KRT10: variants seen among roughly 807,000 people sequenced by gnomAD.
KRT10 encodes the protein keratin 10.
Under a neutral mutation model 59.2 loss-of-function variants are expected in KRT10, and 40 were observed. That is an observed-to-expected ratio of 0.68 (90% CI 0.52 to 0.88). The LOEUF is 0.88. Ranked by LOEUF, KRT10 falls within the 40% of genes least tolerant of loss-of-function variation. The pLI is 0.00. For missense variants in KRT10, 719 were observed against 749.1 expected (o/e 0.96, Z 0.47); for synonymous variants, 336 against 310.7 (o/e 1.08, Z -0.86).
rs570343417 is a variant in KRT10 at position 40,818,878 on chromosome 17, A to AGCT, written c.1654_1656dup (p.Ser553dup). ...CTGCCGCCGCCGTATCCGCCGCCGG[A>AGCT]GCTGCTGCCGCCGCCGGAGCTGCCG... On this transcript the variant is annotated inframe_insertion, in exon 7 of 8. Transcript: ENST00000269576. 5.0e-4 allele frequency: 772 copies of AGCT among 1,530,434 alleles called. 3 individuals are homozygous for AGCT. In the African/African-American group the frequency reaches 9.7e-3, roughly 19 times the overall value. 94.8% of individuals were successfully genotyped at this position (1,530,434 alleles called of 1,614,324 possible).
intron 6 of KRT10, 89 bp downstream of exon 6, chr17:40,819,428 C>T: frequency 8.1e-6 from 11 of 1,362,360 alleles, no homozygotes; most frequent in Non-Finnish European, 1.2e-5. Flanking sequence ...TCCTCTCATT[C>T]TCTGGCATCT....
Position 40,819,592 on chromosome 17 carries a change from T to C in KRT10, c.1298A>G (p.Gln433Arg), listed in dbSNP as rs770992466. ...TCGGATCTTAATATCCAGGAGTTGT[T>C]GGTATTCAGTATTCTGGCACTCGGT... Reference protein sequence around the residue: ...AETECQNTEYQQLLDIKIRLE... With the variant: ...AETECQNTEYRQLLDIKIRLE... Residue 433 changes from glutamine (Q) to arginine (R), a missense_variant, in exon 6 of 8, where the codon CAA (glutamine) becomes CGA (arginine). Gln to Arg is a conservative substitution (Grantham distance 43). Transcript: ENST00000269576. The C allele has an allele frequency of 2.5e-6, 4 of 1,614,236 alleles. No individual in the cohort carries two copies. In the South Asian group the frequency reaches 4.4e-5, roughly 18 times the overall value.
Position 40,818,394 on chromosome 17 carries a change from G to A in KRT10, c.*82C>T. On this transcript the variant is annotated 3_prime_UTR_variant, in exon 8 of 8. Coordinates refer to ENST00000269576, the MANE Select transcript of KRT10 (RefSeq NM_000421.5). ...ATGCAGTTTAATAGTAGTGTTTCTT[G>A]GTTTCTGATTCAACCATAGATGAAA... The A allele has an allele frequency of 6.3e-7, 1 of 1,598,318 alleles. No homozygotes were observed. The highest frequency in any genetic ancestry group is 8.6e-7 in the Non-Finnish European group (1 of 1,167,280).
At position 40,818,899 on chromosome 17, in the gene KRT10, T is replaced by TGCTGCCGCCGCCGTATCC. The variant is rs1905183354; in HGVS notation, c.1635_1636insGGATACGGCGGCGGCAGC (p.Gly545_Ser546insGlyTyrGlyGlyGlySer). The TGCTGCCGCCGCCGTATCC allele has an allele frequency of 2.0e-5, 25 of 1,266,980 alleles. No homozygotes were observed. In the African/African-American group the frequency reaches 3.5e-4, roughly 18 times the overall value. 78.5% of individuals were successfully genotyped at this position (1,266,980 alleles called of 1,614,324 possible). ...CCGGAGCTGCTGCCGCCGCCGGAGC[T>TGCTGCCGCCGCCGTATCC]GCCGCCCCCGTAGCCGCCGCCGCCG... On this transcript the variant is annotated inframe_insertion, in exon 7 of 8. Transcript: ENST00000269576.
rs1905229106 is a variant in KRT10, at chr17:40,819,175, G to A, written c.1374-14C>T. ...CCGCCTCCGGAACTAAACGGGGTGA[G>A]GTCACATTCGGTTATCTCTAACGTT... On this transcript the variant is annotated splice_polypyrimidine_tract_variant and intron_variant, in intron 6 of 7. Coordinates refer to ENST00000269576, the MANE Select transcript of KRT10 (RefSeq NM_000421.5). 4.4e-6 allele frequency: 7 copies of A among 1,592,996 alleles called. No individual in the cohort carries two copies. The highest frequency in any genetic ancestry group is 1.3e-5 in the African/African-American group (1 of 74,496).
At chr17:40,818,762 A>T (rs1294476503) in intron 7 of KRT10, 25 bp downstream of exon 7, 1 of 1,568,014 alleles carries the variant, frequency 6.4e-7, no homozygotes, top group Non-Finnish European at 8.6e-7. Context: ...ACTAATTCTG[A>T]TTACCCCAGC....
rs1905157436 is a variant in KRT10 at position 40,818,640 on chromosome 17, G to GGT, written c.1748+145_1748+146dup. The GGT allele has an allele frequency of 1.1e-5, 15 of 1,373,250 alleles. No homozygotes were observed. The East Asian group carries it at 3.4e-4, about 31-fold the overall frequency. The allele number at this position is 1,373,250 out of a possible 1,614,324, so 85.1% of individuals were successfully genotyped here. Reference sequence around the variant, plus strand: ...TTTGATCATGCCATTTTTCACGGCTGGTGTTAAGAGTAGTTTGTGAACAAA... The same window carrying GGT: ...TTTGATCATGCCATTTTTCACGGCTGGTGTGTTAAGAGTAGTTTGTGAACAAA... On this transcript the variant is annotated intron_variant, in intron 7 of 7. Transcript: ENST00000269576.
At position 40,822,089 on chromosome 17, in the gene KRT10, G is replaced by C; in HGVS notation, c.497C>G (p.Ala166Gly). The change falls in exon 1 of 8, where the codon GCT becomes GGT. Residue 166 changes from alanine (A) to glycine (G), a missense_variant. Ala to Gly is a moderately conservative substitution (Grantham distance 60). Coordinates refer to ENST00000269576, the MANE Select transcript of KRT10 (RefSeq NM_000421.5). ...CAGCTCATAGTTTGATTCTTCCAGA[G>C]CCCGAACTTTGTCCAAGTAGGAAGC... ...RLASYLDKVRALEESNYELEG... is the reference protein window; with the variant it reads ...RLASYLDKVRGLEESNYELEG... 6.2e-7 allele frequency: 1 copy of C among 1,614,000 alleles called. No individual in the cohort carries two copies. The highest frequency in any genetic ancestry group is 8.5e-7 in the Non-Finnish European group (1 of 1,179,990).
In KRT10 at chr17:40,820,499, CTT is replaced by C. The variant is rs761111932; in HGVS notation, c.867+10_867+11del. 4 of 1,614,208 alleles carry C rather than the reference CTT, an allele frequency of 2.5e-6. No individual in the cohort carries two copies. The South Asian group carries it at 4.4e-5, about 18-fold the overall frequency. On this transcript the variant is annotated intron_variant, in intron 3 of 7. Coordinates refer to ENST00000269576, the MANE Select transcript of KRT10 (RefSeq NM_000421.5). ...TCTCTTTTGGCTGGGAAAAGTATAACTTTTGTGTCACCTCCTCGTGGTTCTTC... is the reference window on the plus strand; with the variant it reads ...TCTCTTTTGGCTGGGAAAAGTATAACTTGTGTCACCTCCTCGTGGTTCTTC...
chr17:40,818,843 T>G lies in KRT10; in HGVS notation c.1692A>C (p.Gly564=), dbSNP rs747237640. The G allele has an allele frequency of 4.4e-5, 52 of 1,184,014 alleles. No individual in the cohort carries two copies. Among genetic ancestry groups the G allele is most frequent in the South Asian group, 2.6e-4 (18 of 69,134 alleles). 73.3% of individuals were successfully genotyped at this position (1,184,014 alleles called of 1,614,324 possible). The change falls in exon 7 of 8, where the codon GGA becomes GGC. Residue 564 remains glycine (G), a synonymous_variant. Transcript: ENST00000269576. The part of the protein sequence containing the change: ...GGGYGGGSSS[G]GHKSSSSGSV... ...ACCCGGAAGAGGAGGACTTGTGGCC[T>G]CCGCTGGAGCTGCCGCCGCCGTATC...
At chr17:40,820,778 T>C (rs1905338230) in intron 2 of KRT10, 111 bp from the exon 3 acceptor site, 1 of 1,220,898 alleles carries the variant, frequency 8.2e-7, no homozygotes, top group Non-Finnish European at 1.2e-6. Context: ...ATGGCAATAT[T>C]TGTCATGTAC....
At chr17:40,819,412 C>G (rs912717480) in intron 6 of KRT10, 105 bp downstream of exon 6, 1 of 1,299,512 alleles carries the variant, frequency 7.7e-7, no homozygotes, top group Non-Finnish European at 1.1e-6. Context: ...ACCCTCTCTC[C>G]TCCCTTCCTC....
chr17:40,820,612 G>T lies in KRT10; in HGVS notation c.766C>A (p.Arg256Ser). ...QSVEADINGL[R>S]RVLDELTLTK... ...AGGGTCAGCTCATCCAGCACCCTAC[G>T]CAGGCCGTTGATGTCAGCCTCCACG... is the stretch of plus-strand genomic sequence containing the variant. The change falls in exon 3 of 8, where the codon CGT (arginine) becomes AGT (serine). Residue 256 changes from arginine to serine, a missense_variant. This residue lies in a region of KRT10 where 221 missense variants were observed against 277.8 expected (regional missense o/e 0.80). Transcript: ENST00000269576. 1 of 1,614,182 alleles carries T rather than the reference G, an allele frequency of 6.2e-7. No individual in the cohort carries two copies. Among genetic ancestry groups the T allele is most frequent in the African/African-American group, 1.3e-5 (1 of 75,044 alleles).
In KRT10 at chr17:40,819,444, G is replaced by C. The variant is rs530472156; in HGVS notation, c.1373+73C>G. ...CCTCTCATTCTCTGGCATCTTCTTGGGGTTTAGATAAGCCTTGCTATCTGG... is the reference window on the plus strand; with the variant it reads ...CCTCTCATTCTCTGGCATCTTCTTGCGGTTTAGATAAGCCTTGCTATCTGG... On this transcript the variant is annotated intron_variant, in intron 6 of 7. Transcript: ENST00000269576. 27 of 1,428,462 alleles carry C rather than the reference G, an allele frequency of 1.9e-5. 1 individual carries two copies. In the South Asian group the frequency reaches 3.0e-4, roughly 16 times the overall value. 88.5% of individuals were successfully genotyped at this position (1,428,462 alleles called of 1,614,324 possible).
chr17:40,819,844 A>G lies in KRT10; in HGVS notation c.1156-110T>C, dbSNP rs1905265770. ...TATAGAAGAATAAGAAAATGAACAG[A>G]ATTTGTTGTATGTTTAATGGCACCA... On this transcript the variant is annotated intron_variant, in intron 5 of 7. Coordinates refer to ENST00000269576, the MANE Select transcript of KRT10 (RefSeq NM_000421.5). The G allele has an allele frequency of 6.0e-6, 7 of 1,158,470 alleles. No homozygotes were observed. In the Admixed American group the frequency reaches 1.3e-4, roughly 22 times the overall value. The allele number at this position is 1,158,470 out of a possible 1,614,324, so 71.8% of individuals were successfully genotyped here. A position where few individuals can be genotyped will look rare whatever the true frequency, so the allele number is the denominator to read the frequency against.
chr17:40,820,478 T>C (rs747431718), intron 3 of KRT10, 33 bp downstream of exon 3: 11 of 1,614,232 alleles, frequency 6.8e-6, no homozygotes, highest in South Asian at 6.6e-5. Flanking sequence ...ATGAACTCTC[T>C]TTTGGCTGGG....
At chr17:40,821,542 AGT>A (rs1905383925) in intron 1 of KRT10, among the ~76,000 whole-genome samples, 1 of 152,236 alleles carries the variant, frequency 6.6e-6, no homozygotes, top group Non-Finnish European at 1.5e-5. Context: ...AGAGGCAAGC[AGT>A]GTCCCATTTT....
Position 40,820,284 on chromosome 17 carries a change from G to A in KRT10, c.1007C>T (p.Ala336Val). 6.2e-7 allele frequency: 1 copy of A among 1,614,190 alleles called. No individual in the cohort carries two copies. Among genetic ancestry groups the A allele is most frequent in the Non-Finnish European group, 8.5e-7 (1 of 1,180,030 alleles). ...EQLAEQNRKD[A>V]EAWFNEKSKE... ...TACCTTTTCATTGAACCAGGCTTCA[G>A]CATCTTTGCGGTTTTGTTCAGCAAG... is the stretch of plus-strand genomic sequence containing the variant. Residue 336 changes from alanine (A) to valine (V), a missense_variant, in exon 4 of 8, where the codon GCT (alanine) becomes GTT (valine). Coordinates refer to ENST00000269576, the MANE Select transcript of KRT10 (RefSeq NM_000421.5).
At position 40,820,363 on chromosome 17, in the gene KRT10, G is replaced by C. The variant is rs1279717625; in HGVS notation, c.928C>G (p.Pro310Ala). Reference protein sequence around the residue: ...GDVNVEMNAAPGVDLTQLLNN... With the variant: ...GDVNVEMNAAAGVDLTQLLNN... ...AGAAGTTGAGTCAGATCAACACCCG[G>C]GGCAGCATTCATTTCCACATTCACA... is the stretch of plus-strand genomic sequence containing the variant. Residue 310 changes from proline (P) to alanine (A), a missense_variant, in exon 4 of 8, where the codon CCG becomes GCG. Coordinates refer to ENST00000269576, the MANE Select transcript of KRT10 (RefSeq NM_000421.5). The C allele has an allele frequency of 6.2e-7, 1 of 1,614,176 alleles. No homozygotes were observed. The highest frequency in any genetic ancestry group is 8.5e-7 in the Non-Finnish European group (1 of 1,180,022).
Sources: allele counts gnomAD v4.1 joint callset (sites outside exome capture counted in the v4.1 genomes callset), GRCh38; gene constraint gnomAD v4.1.1; regional missense constraint gnomAD v4.1.1; transcripts MANE v1.5; gene names NCBI Gene and HGNC (gene_info 2026-07-23, HGNC 2026-07-21).